Variants in DLAT observed in about 807,000 individuals in gnomAD.
DLAT encodes dihydrolipoamide S-acetyltransferase, also known as dihydrolipoyllysine-residue acetyltransferase component of pyruvate dehydrogenase complex, mitochondrial.
A neutral mutation model predicts 68.0 loss-of-function variants in DLAT; 43 were observed. The ratio of observed to expected loss-of-function variants is 0.63; its 90% CI spans 0.50 to 0.81. DLAT has a LOEUF of 0.81. DLAT is among the 40% of genes least tolerant of loss of function. DLAT has a pLI of 0.00. For missense variants in DLAT, 745 were observed against 815.4 expected (o/e 0.91, Z 1.05); for synonymous variants, 265 against 288.6 (o/e 0.92, Z 0.83).
At chr11:112,056,788 C>T (rs1379479622) in intron 11 of DLAT, among the ~76,000 whole-genome samples, 1 of 152,206 alleles carries the variant, frequency 6.6e-6, no homozygotes, top group Non-Finnish European at 1.5e-5. Flanking sequence ...TACCTTCCCA[C>T]CAATAGTGGA....
Position 112,051,680 on chromosome 11 carries a change from C to G in DLAT, c.1514+331C>G, listed in dbSNP as rs1555182013. Among the ~76,000 whole-genome samples, 1 of 152,178 alleles carries G rather than the reference C, an allele frequency of 6.6e-6. No individual in the cohort carries two copies. Among genetic ancestry groups the G allele is most frequent in the Admixed American group, 6.5e-5 (1 of 15,284 alleles). On this transcript the variant is annotated intron_variant, in intron 11 of 13. Transcript: ENST00000280346. This position sits in a 1 kb window ranked among gnomAD's most constrained non-coding sequence, Gnocchi z 4.3. ...TCTACAGCCTCGGCCTCCCAAAGTT[C>G]TGGGATTTCAGGTGTGAGCCACAGT...
intron 11 of DLAT, among the ~76,000 whole-genome samples, chr11:112,052,458 T>C (rs1863706028): frequency 6.6e-6 from 1 of 152,170 alleles, no homozygotes; most frequent in African/African-American, 2.4e-5. Flanking sequence ...TTGGGTTTGA[T>C]TAACTTGCTA....
intron 10 of DLAT, among the ~76,000 whole-genome samples, chr11:112,048,396 C>G (rs1020771962): frequency 3.3e-5 from 5 of 152,186 alleles, no homozygotes; most frequent in African/African-American, 1.2e-4. Flanking sequence ...TCTAACTATA[C>G]AATCATGTCA....
At chr11:112,027,193 G>T (rs1243493487) in intron 2 of DLAT, among the ~76,000 whole-genome samples, 3 of 151,596 alleles carry the variant, frequency 2.0e-5, no homozygotes, top group Non-Finnish European at 4.4e-5. Flanking sequence ...CGGGGCGGTT[G>T]CCAGGCGGAG....
At chr11:112,061,778 T>G (rs1864645053) in intron 13 of DLAT, among the ~76,000 whole-genome samples, 1 of 152,166 alleles carries the variant, frequency 6.6e-6, no homozygotes, top group Non-Finnish European at 1.5e-5. Context: ...AGACATGTTG[T>G]TTCACCATGT....
At chr11:112,026,676 T>C (rs1555179299) in intron 2 of DLAT, among the ~76,000 whole-genome samples, 2 of 152,238 alleles carry the variant, frequency 1.3e-5, no homozygotes, top group Non-Finnish European at 2.9e-5. Context: ...GAATTTTTCT[T>C]AGTACCGAGC....
rs782516904 is a variant in DLAT, at chr11:112,045,228, C to T, written c.1288C>T (p.Arg430Trp). 19 of 1,612,610 alleles carry T rather than the reference C, an allele frequency of 1.2e-5. No homozygotes were observed. Among genetic ancestry groups the T allele is most frequent in the African/African-American group, 4.0e-5 (3 of 74,862 alleles). The change falls in exon 9 of 14, where the codon CGG (arginine) becomes TGG (tryptophan). Residue 430 changes from arginine (R) to tryptophan (W), a missense_variant and splice_region_variant. Physicochemically the swap from Arg to Trp is moderately radical, Grantham distance 101 (BLOSUM62 -3). Transcript: ENST00000280346. ...FTDIPISNIR[R>W]VIAQRLMQSK... ...AGATATCCCAATCAGCAACATTCGT[C>T]GGGTAAGAGAATTACCATCATCTGG...
At chr11:112,030,454 C>G in intron 4 of DLAT, 1 of 303,630 alleles carries the variant, frequency 3.3e-6, no homozygotes, top group Non-Finnish European at 6.5e-6. Flanking sequence ...TCATAGGTGT[C>G]AAGTGCTGTC....
At chr11:112,030,184 C>T (rs1862318849) in intron 4 of DLAT, 1 of 615,508 alleles carries the variant, frequency 1.6e-6, no homozygotes. Flanking sequence ...AAAGTGCTTC[C>T]TTTGTATCCT....
At chr11:112,055,624 C>T (rs1863980930) in intron 11 of DLAT, among the ~76,000 whole-genome samples, 1 of 151,866 alleles carries the variant, frequency 6.6e-6, no homozygotes, top group African/African-American at 2.4e-5. Context: ...CTGAACATAC[C>T]TTTCAGTTCT....
At chr11:112,042,505 T>C (rs1863100936) in intron 7 of DLAT, among the ~76,000 whole-genome samples, 1 of 152,162 alleles carries the variant, frequency 6.6e-6, no homozygotes, top group South Asian at 2.1e-4. Context: ...GGAAAGGAAT[T>C]GGGAAGAACT....
chr11:112,026,573 T>C (rs1862027954), intron 2 of DLAT, among the ~76,000 whole-genome samples: 1 of 152,142 alleles, frequency 6.6e-6, no homozygotes, highest in Admixed American at 6.5e-5. Context: ...AAGCACATCT[T>C]GCACTGCCCT....
At chr11:112,059,050 GT>G (rs1339288583) in intron 11 of DLAT, among the ~76,000 whole-genome samples, 1 of 148,402 alleles carries the variant, frequency 6.7e-6, no homozygotes, top group Non-Finnish European at 1.5e-5. Context: ...CTGATATTGT[GT>G]AAAAAAAAAA....
chr11:112,057,352 C>G (rs1864160550), intron 11 of DLAT, among the ~76,000 whole-genome samples: 1 of 152,168 alleles, frequency 6.6e-6, no homozygotes, highest in Non-Finnish European at 1.5e-5. Flanking sequence ...AAATCAAAAG[C>G]TAGAAATGAT....
At chr11:112,058,989 C>G (rs1179163848) in intron 11 of DLAT, among the ~76,000 whole-genome samples, 1 of 151,310 alleles carries the variant, frequency 6.6e-6, no homozygotes, top group African/African-American at 2.4e-5. Context: ...GATCCAGATG[C>G]ATAGGGACAC....
intron 1 of DLAT, 141 bp from the exon 2 acceptor site, chr11:112,026,057 A>G: frequency 3.7e-6 from 3 of 800,362 alleles, no homozygotes; most frequent in Non-Finnish European, 6.4e-6. Flanking sequence ...CATGGACAGG[A>G]ACTCCCTTGG....
intron 4 of DLAT, 92 bp from the exon 5 acceptor site, chr11:112,033,312 C>T (rs1862515173): frequency 6.8e-7 from 1 of 1,477,086 alleles, no homozygotes; most frequent in Non-Finnish European, 9.3e-7. Context: ...ATCATAGTCA[C>T]CATCATTCTA....
intron 7 of DLAT, 30 bp downstream of exon 7, chr11:112,039,427 T>TA: frequency 2.5e-6 from 4 of 1,612,148 alleles, no homozygotes; most frequent in Non-Finnish European, 3.4e-6. Flanking sequence ...ATGGACTTTA[T>TA]AAAGTTAAAA....
intron 11 of DLAT, among the ~76,000 whole-genome samples, chr11:112,059,582 A>T (rs1459002950): frequency 6.6e-6 from 1 of 152,096 alleles, no homozygotes; most frequent in Non-Finnish European, 1.5e-5. Flanking sequence ...TGGTAGAGAC[A>T]GAGTTTCGCC....
Sources: allele counts gnomAD v4.1 joint callset (sites outside exome capture counted in the v4.1 genomes callset), GRCh38; gene constraint gnomAD v4.1.1; non-coding constraint Gnocchi (gnomAD v3.1); transcripts MANE v1.5; gene names NCBI Gene and HGNC (gene_info 2026-07-23, HGNC 2026-07-21).